The following KHDRBS2 variants were observed in gnomAD, a reference collection of about 807,000 sequenced individuals.
KHDRBS2 encodes the protein KH RNA binding domain containing, signal transduction associated 2, also known as KH domain-containing, RNA-binding, signal transduction-associated protein 2.
In KHDRBS2, 26 loss-of-function variants were observed where a neutral mutation model predicts 44.3. That is an observed-to-expected ratio of 0.59 (90% confidence interval 0.43 to 0.81). The LOEUF (loss-of-function observed/expected upper bound fraction) is 0.81, where lower values mean the gene tolerates loss of function less well. KHDRBS2 is among the 40% of genes least tolerant of loss of function. The probability of loss-of-function intolerance (pLI) is 0.00; values close to 1 mark genes in which losing one functional copy is unlikely to be tolerated. For missense variants in KHDRBS2, 476 were observed against 433.1 expected (o/e 1.10, Z -0.88); for synonymous variants, 194 against 151.1 (o/e 1.28, Z -2.08).
chr6:62,281,857 T>C (rs1382626417), intron 1 of KHDRBS2, among the ~76,000 whole-genome samples: 2 of 152,164 alleles, frequency 1.3e-5, no homozygotes, highest in Non-Finnish European at 2.9e-5. Context: ...CACTCCCAAG[T>C]GTTTTTCTTG....
intron 2 of KHDRBS2, among the ~76,000 whole-genome samples, chr6:62,162,719 A>T (rs1817897983): frequency 6.6e-6 from 1 of 152,046 alleles, no homozygotes. Flanking sequence ...GGTGCCTCCT[A>T]CTTCATCATC....
intron 6 of KHDRBS2, among the ~76,000 whole-genome samples, chr6:61,852,336 CG>C (rs1795555155): frequency 6.6e-6 from 1 of 151,904 alleles, no homozygotes; most frequent in Non-Finnish European, 1.5e-5. Flanking sequence ...GAAGCCAAGG[CG>C]GGCAGATTAC....
At chr6:61,550,354 T>A in the KHDRBS2 span, among the ~76,000 whole-genome samples, 39 of 152,290 alleles carry the variant, frequency 2.6e-4, no homozygotes, top group African/African-American at 9.1e-4. Flanking sequence ...CTGTCTATGT[T>A]GCTGCAAAGG....
At chr6:62,127,971 A>C (rs1280891481) in intron 2 of KHDRBS2, among the ~76,000 whole-genome samples, 1 of 152,158 alleles carries the variant, frequency 6.6e-6, no homozygotes, top group Non-Finnish European at 1.5e-5. Flanking sequence ...TCAATCACTA[A>C]GGCTAAAACA....
At chr6:61,786,549 T>C (rs1783838011) in intron 6 of KHDRBS2, among the ~76,000 whole-genome samples, 1 of 151,170 alleles carries the variant, frequency 6.6e-6, no homozygotes, top group Non-Finnish European at 1.5e-5. Flanking sequence ...TTTATGATTC[T>C]AAATAAAAAA....
At chr6:62,219,691 A>T (rs1830561737) in intron 1 of KHDRBS2, among the ~76,000 whole-genome samples, 1 of 150,850 alleles carries the variant, frequency 6.6e-6, no homozygotes, top group Non-Finnish European at 1.5e-5. Context: ...CTATAGTTAC[A>T]TAAGAGAATG....
intron 6 of KHDRBS2, among the ~76,000 whole-genome samples, chr6:61,753,141 G>A (rs907150875): frequency 6.6e-5 from 10 of 152,020 alleles, no homozygotes; most frequent in African/African-American, 1.7e-4. Flanking sequence ...CTCATCATTC[G>A]TGTTGCTCTT....
At chr6:61,786,465 T>C (rs1783824815) in intron 6 of KHDRBS2, among the ~76,000 whole-genome samples, 1 of 151,916 alleles carries the variant, frequency 6.6e-6, no homozygotes, top group South Asian at 2.1e-4. Flanking sequence ...AATTAAAATA[T>C]CCATAATTTT....
chr6:61,653,972 G>A, the KHDRBS2 span, among the ~76,000 whole-genome samples: 1 of 151,958 alleles, frequency 6.6e-6, no homozygotes, highest in South Asian at 2.1e-4. Context: ...GGCAGCTTTG[G>A]ATTAAGAATA....
chr6:61,610,539 CT>C, the KHDRBS2 span, among the ~76,000 whole-genome samples: 1 of 152,072 alleles, frequency 6.6e-6, no homozygotes, highest in Non-Finnish European at 1.5e-5. Flanking sequence ...TTAACTGGTC[CT>C]ATAGGGTCTG....
chr6:61,991,783 C>A (rs1029120808), intron 3 of KHDRBS2, among the ~76,000 whole-genome samples: 9 of 152,132 alleles, frequency 5.9e-5, no homozygotes, highest in Non-Finnish European at 1.3e-4. Context: ...TGACCCAGGG[C>A]TCTGAATGGA....
intron 1 of KHDRBS2, among the ~76,000 whole-genome samples, chr6:62,223,888 A>C (rs1831317035): frequency 1.3e-5 from 2 of 152,116 alleles, no homozygotes. Context: ...GGTGAAAGCT[A>C]TTCAACAAGT....
intron 1 of KHDRBS2, among the ~76,000 whole-genome samples, chr6:62,214,854 C>T (rs1162840426): frequency 2.6e-5 from 4 of 151,938 alleles, no homozygotes; most frequent in Admixed American, 1.3e-4. Context: ...TTTATTTCTT[C>T]CAAAGCTGAA....
chr6:62,082,342 CAA>C (rs1797566534), intron 2 of KHDRBS2, among the ~76,000 whole-genome samples: 1 of 94,882 alleles, frequency 1.1e-5, no homozygotes, highest in Non-Finnish European at 2.2e-5. Context: ...TGTGTGTGAA[CAA>C]CCCAACTTTA....
intron 2 of KHDRBS2, among the ~76,000 whole-genome samples, chr6:62,086,459 A>G (rs1360016262): frequency 5.9e-5 from 9 of 152,198 alleles, no homozygotes; most frequent in Admixed American, 1.3e-4. Flanking sequence ...GTTTTTAGAT[A>G]TAAGAAATCT....
intron 6 of KHDRBS2, among the ~76,000 whole-genome samples, chr6:61,813,314 CA>C (rs1045646791): frequency 1.3e-5 from 2 of 151,958 alleles, no homozygotes; most frequent in African/African-American, 4.8e-5. Context: ...ATACTGTGTT[CA>C]GAATTATTCT....
At chr6:61,597,915 T>A in the KHDRBS2 span, among the ~76,000 whole-genome samples, 1 of 88,844 alleles carries the variant, frequency 1.1e-5, no homozygotes, top group East Asian at 4.2e-4. Context: ...TTTTTTTGTG[T>A]TTTTTTTTTT....
At chr6:61,581,603 A>T in the KHDRBS2 span, among the ~76,000 whole-genome samples, 13 of 105,934 alleles carry the variant, frequency 1.2e-4, no homozygotes, top group South Asian at 2.6e-4. Context: ...TACAATATAC[A>T]ATATAATATA....
intron 1 of KHDRBS2, among the ~76,000 whole-genome samples, chr6:62,256,257 C>T (rs1837379415): frequency 6.6e-6 from 1 of 151,982 alleles, no homozygotes; most frequent in Non-Finnish European, 1.5e-5. Flanking sequence ...GCTGAATAAA[C>T]CCAGGGAACC....
Sources: allele counts gnomAD v4.1 joint callset (sites outside exome capture counted in the v4.1 genomes callset), GRCh38; gene constraint gnomAD v4.1.1; transcripts MANE v1.5; gene names NCBI Gene and HGNC (gene_info 2026-07-23, HGNC 2026-07-21).